TFPI: variants seen among roughly 807,000 people sequenced by gnomAD.
TFPI encodes the protein anti-convertin.
Under a neutral mutation model 34.6 loss-of-function variants are expected in TFPI, and 15 were observed. The ratio of observed to expected loss-of-function variants is 0.43; its 90% CI spans 0.29 to 0.67. The LOEUF is 0.67. TFPI is among the 30% of genes least tolerant of loss of function. The pLI is 0.15. For missense variants in TFPI, 301 were observed against 364.0 expected (o/e 0.83, Z 1.41); for synonymous variants, 105 against 120.1 (o/e 0.87, Z 0.82).
At chr2:187,523,041 A>G (rs749034264) in intron 1 of TFPI, among the ~76,000 whole-genome samples, 1 of 152,100 alleles carries the variant, frequency 6.6e-6, no homozygotes, top group Non-Finnish European at 1.5e-5. Flanking sequence ...CAAATTTTAC[A>G]TAACAAAAAA....
chr2:187,498,301 CAG>C (rs1685621625), intron 2 of TFPI, among the ~76,000 whole-genome samples: 1 of 151,566 alleles, frequency 6.6e-6, no homozygotes, highest in East Asian at 1.9e-4. Context: ...TTTTTTGAAA[CAG>C]AAAATATGTG....
At chr2:187,527,524 C>T (rs796279627) in intron 1 of TFPI, among the ~76,000 whole-genome samples, 28 of 152,206 alleles carry the variant, frequency 1.8e-4, no homozygotes, top group African/African-American at 6.0e-4. Flanking sequence ...TCTAACAAGT[C>T]GGCACAGAGC....
rs994168776 is a variant in TFPI at position 187,526,349 on chromosome 2, T to C, written c.-2-22579A>G. 3.9e-5 allele frequency among the ~76,000 whole-genome samples: 6 copies of C among 152,256 alleles called. No homozygotes were observed. The South Asian group carries it at 1.0e-3, about 26-fold the overall frequency. On this transcript the variant is annotated intron_variant, in intron 1 of 7. Transcript: ENST00000233156. Reference sequence around the variant, plus strand: ...AGGTCTCAATGTAAAAGACATGTTCTAAAGATTCAGATCCATTGGAGCTAA... The same window carrying C: ...AGGTCTCAATGTAAAAGACATGTTCCAAAGATTCAGATCCATTGGAGCTAA...
intron 1 of TFPI, chr2:187,546,863 A>T (rs922285313): frequency 6.6e-6 from 1 of 152,240 alleles, no homozygotes; most frequent in African/African-American, 2.4e-5. Flanking sequence ...TTTGTTAGTT[A>T]AAATCAATCT....
Position 187,551,951 on chromosome 2 carries a change from T to C in TFPI, c.-3+2249A>G, listed in dbSNP as rs143920982. The stretch of plus-strand genomic sequence containing the variant: ...GCCTTTATTGAGAATAGATGAGTTG[T>C]ATTGTAGTACAATTCTTAGATCATG... On this transcript the variant is annotated intron_variant, in intron 1 of 7. Coordinates refer to ENST00000233156, the MANE Select transcript of TFPI (RefSeq NM_006287.6). Among the ~76,000 whole-genome samples the C allele has an allele frequency of 1.4e-3, 206 of 152,210 alleles. 5 individuals carry two copies. In the East Asian group the frequency reaches 0.031, roughly 23 times the overall value.
At chr2:187,498,011 C>T (rs1360581028) in intron 2 of TFPI, among the ~76,000 whole-genome samples, 3 of 151,702 alleles carry the variant, frequency 2.0e-5, no homozygotes, top group South Asian at 2.1e-4. Context: ...ATTTATTAAT[C>T]TCTTATGGGG....
At chr2:187,546,024 A>G (rs1485158243) in intron 1 of TFPI, among the ~76,000 whole-genome samples, 2 of 152,128 alleles carry the variant, frequency 1.3e-5, no homozygotes, top group Non-Finnish European at 2.9e-5. Flanking sequence ...AAATGTAAAC[A>G]TGTAAACACA....
At chr2:187,477,459 T>G (rs1245344181) in intron 6 of TFPI, among the ~76,000 whole-genome samples, 5 of 152,150 alleles carry the variant, frequency 3.3e-5, no homozygotes, top group Non-Finnish European at 4.4e-5. Flanking sequence ...TGAAGTGGGT[T>G]TTTTTTGTTT....
intron 1 of TFPI, among the ~76,000 whole-genome samples, chr2:187,504,632 G>C (rs1428928226): frequency 4.0e-5 from 6 of 151,382 alleles, no homozygotes; most frequent in Non-Finnish European, 1.5e-5. Flanking sequence ...CTTCTTCTTT[G>C]GATTTAAAGG....
At chr2:187,479,178 GA>G (rs920349121) in intron 6 of TFPI, among the ~76,000 whole-genome samples, 15 of 152,056 alleles carry the variant, frequency 9.9e-5, no homozygotes, top group African/African-American at 3.4e-4. Flanking sequence ...TGAATGGACG[GA>G]AAAAAGTTAT....
intron 2 of TFPI, among the ~76,000 whole-genome samples, chr2:187,498,074 G>A (rs1685605177): frequency 6.6e-6 from 1 of 151,640 alleles, no homozygotes; most frequent in Non-Finnish European, 1.5e-5. Flanking sequence ...GAGGGCAGCA[G>A]TATTATATTG....
At chr2:187,540,890 CAAAAAAA>C (rs56921212) in intron 1 of TFPI, among the ~76,000 whole-genome samples, 1 of 84,764 alleles carries the variant, frequency 1.2e-5, no homozygotes, top group Admixed American at 1.3e-4. Flanking sequence ...GACTCCATCT[CAAAAAAA>C]AAAAAAAAAA....
At position 187,551,829 on chromosome 2, in the gene TFPI, A is replaced by G. The variant is rs78400966; in HGVS notation, c.-3+2371T>C. 9.9e-5 allele frequency among the ~76,000 whole-genome samples: 15 copies of G among 152,228 alleles called. 1 individual carries two copies. The highest frequency in any genetic ancestry group is 3.4e-4 in the African/African-American group (14 of 41,540). On this transcript the variant is annotated intron_variant, in intron 1 of 7. Transcript: ENST00000233156. ...ACCTTTGACACTAATGCATGAAAAT[A>G]TATTTGTGTTTTAAAAAGGCAGCCT... is the stretch of plus-strand genomic sequence containing the variant.
At chr2:187,496,763 AG>A in intron 3 of TFPI, 117 bp downstream of exon 3, 1 of 920,628 alleles carries the variant, frequency 1.1e-6, no homozygotes, top group South Asian at 1.9e-5. Flanking sequence ...TGGAAATAAA[AG>A]ATTCCTTGGA....
At chr2:187,469,767 T>C (rs376693092) in intron 6 of TFPI, among the ~76,000 whole-genome samples, 87 of 152,256 alleles carry the variant, frequency 5.7e-4, no homozygotes, top group African/African-American at 1.9e-3. Context: ...AAATCAAAGT[T>C]GAATGGTGAG....
At chr2:187,498,893 TA>T (rs1685664833) in intron 2 of TFPI, among the ~76,000 whole-genome samples, 1 of 151,998 alleles carries the variant, frequency 6.6e-6, no homozygotes, top group South Asian at 2.1e-4. Context: ...AATCTTTAAC[TA>T]AAGTTGAGTT....
At chr2:187,535,882 A>G (rs992612323) in intron 1 of TFPI, among the ~76,000 whole-genome samples, 3 of 152,196 alleles carry the variant, frequency 2.0e-5, no homozygotes, top group Non-Finnish European at 2.9e-5. Context: ...TAGACACAAT[A>G]CAAAATGATA....
chr2:187,510,631 AC>A (rs1301462940), intron 1 of TFPI, among the ~76,000 whole-genome samples: 2 of 152,092 alleles, frequency 1.3e-5, no homozygotes, highest in Non-Finnish European at 2.9e-5. Flanking sequence ...TTAAAGATCG[AC>A]CCCTGACCTA....
intron 1 of TFPI, among the ~76,000 whole-genome samples, chr2:187,541,182 T>C (rs963405639): frequency 2.6e-4 from 39 of 152,244 alleles, no homozygotes; most frequent in African/African-American, 9.1e-4. Flanking sequence ...CACAGAGCAA[T>C]TTGAAATATA....
Sources: allele counts gnomAD v4.1 joint callset (sites outside exome capture counted in the v4.1 genomes callset), GRCh38; gene constraint gnomAD v4.1.1; transcripts MANE v1.5; gene names NCBI Gene and HGNC (gene_info 2026-07-23, HGNC 2026-07-21).